ACTR3C: variants seen among roughly 807,000 people sequenced by gnomAD.
ACTR3C encodes actin-related protein 3C.
Under a neutral mutation model 26.3 loss-of-function variants are expected in ACTR3C, and 18 were observed. The ratio of observed to expected loss-of-function variants is 0.68; its 90% CI spans 0.47 to 1.01. The LOEUF (loss-of-function observed/expected upper bound fraction) is 1.01, where lower values mean the gene tolerates loss of function less well. Among genes scored for constraint, ACTR3C ranks in the 50% least tolerant of loss-of-function variants. The pLI is 0.00. For missense variants in ACTR3C, 184 were observed against 250.7 expected, an observed-to-expected ratio of 0.73 and a Z score of 1.80; for synonymous variants, 55 against 94.5, an observed-to-expected ratio of 0.58 and a Z score of 2.42.
the ACTR3C span, among the ~76,000 whole-genome samples, chr7:150,155,751 AT>A: frequency 7.3e-6 from 1 of 136,622 alleles, no homozygotes; most frequent in East Asian, 2.5e-4. Flanking sequence ...CAAAAAGGAG[AT>A]CATGAAGTGG....
At chr7:150,042,179 G>A in the ACTR3C span, among the ~76,000 whole-genome samples, 1 of 23,300 alleles carries the variant, frequency 4.3e-5, no homozygotes. Context: ...CTGCCTCGCG[G>A]GGGGTGCCTC....
At chr7:150,034,107 A>G in the ACTR3C span, among the ~76,000 whole-genome samples, 1 of 148,736 alleles carries the variant, frequency 6.7e-6, no homozygotes, top group Non-Finnish European at 1.5e-5. Flanking sequence ...AGGTCCCAAC[A>G]ACCGGGGGGA....
chr7:150,142,133 G>A, the ACTR3C span, among the ~76,000 whole-genome samples: 2 of 152,156 alleles, frequency 1.3e-5, no homozygotes, highest in Admixed American at 6.5e-5. Flanking sequence ...CCCAGTATAT[G>A]CAAAACCCTC....
At chr7:149,907,478 T>TTCTCTTCTCTTCTCTCTCTCTCTCTCTC in the ACTR3C span, among the ~76,000 whole-genome samples, 50 of 97,678 alleles carry the variant, frequency 5.1e-4, no homozygotes, top group Non-Finnish European at 8.9e-4. Context: ...CTCTCTTCTC[T>TTCTCTTCTCTTCTCTCTCTCTCTCTCTC]TCTCTCTCTC....
intron 1 of ACTR3C, among the ~76,000 whole-genome samples, chr7:150,302,550 A>C (rs1259925752): frequency 6.6e-6 from 1 of 152,030 alleles, no homozygotes; most frequent in Non-Finnish European, 1.5e-5. Context: ...GAAAACTGTA[A>C]GGAAATGAGG....
the ACTR3C span, among the ~76,000 whole-genome samples, chr7:149,962,942 G>A: frequency 3.9e-5 from 6 of 152,184 alleles, no homozygotes; most frequent in Non-Finnish European, 7.3e-5. Flanking sequence ...AACCAAATTA[G>A]CCTTTTGAAC....
chr7:150,089,153 T>A, the ACTR3C span, among the ~76,000 whole-genome samples: 1 of 152,196 alleles, frequency 6.6e-6, no homozygotes, highest in Non-Finnish European at 1.5e-5. Context: ...CTGAGATTTA[T>A]TTTTTAGATC....
At chr7:150,023,500 A>AT in the ACTR3C span, among the ~76,000 whole-genome samples, 1 of 151,526 alleles carries the variant, frequency 6.6e-6, no homozygotes, top group Non-Finnish European at 1.5e-5. Context: ...GACCCAGCTA[A>AT]TTTTTTGTAT....
chr7:150,055,022 A>C, the ACTR3C span, among the ~76,000 whole-genome samples: 4 of 152,226 alleles, frequency 2.6e-5, no homozygotes, highest in Non-Finnish European at 5.9e-5. Flanking sequence ...TAGTCTTACT[A>C]CAAAAGGACT....
At chr7:149,939,501 C>T in the ACTR3C span, among the ~76,000 whole-genome samples, 4 of 152,156 alleles carry the variant, frequency 2.6e-5, no homozygotes, top group East Asian at 1.9e-4. Flanking sequence ...AAAGCAAACA[C>T]GAAGCACAAG....
the ACTR3C span, among the ~76,000 whole-genome samples, chr7:150,034,997 T>G: frequency 2.1e-5 from 2 of 94,380 alleles, no homozygotes; most frequent in Non-Finnish European, 4.3e-5. Flanking sequence ...CCCCCTCCTG[T>G]GATGGGGGTC....
chr7:149,918,482 G>C, the ACTR3C span, among the ~76,000 whole-genome samples: 1 of 152,234 alleles, frequency 6.6e-6, no homozygotes, highest in South Asian at 2.1e-4. Flanking sequence ...CCTGAGGTCG[G>C]GAGTTCGAGA....
the ACTR3C span, among the ~76,000 whole-genome samples, chr7:150,091,617 AAG>A: frequency 9.2e-6 from 1 of 108,226 alleles, no homozygotes; most frequent in Non-Finnish European, 1.9e-5. Flanking sequence ...GGATATGCTG[AAG>A]AGAGAACAAC....
chr7:150,036,358 C>T, the ACTR3C span, among the ~76,000 whole-genome samples: 15 of 146,374 alleles, frequency 1.0e-4, no homozygotes, highest in Admixed American at 7.4e-4. Context: ...TGTTTAGAGA[C>T]GTAGGCTACG....
the ACTR3C span, among the ~76,000 whole-genome samples, chr7:150,202,584 C>T: frequency 6.4e-3 from 976 of 152,262 alleles, 9 homozygotes; most frequent in African/African-American, 0.023. Context: ...TCTGCAGCAT[C>T]ATCATTAATA....
chr7:149,907,764 G>C, the ACTR3C span, among the ~76,000 whole-genome samples: 1 of 151,778 alleles, frequency 6.6e-6, no homozygotes, highest in African/African-American at 2.4e-5. Context: ...TAAAGCAAAA[G>C]GTGCAAGGTC....
At chr7:149,965,173 T>G in the ACTR3C span, among the ~76,000 whole-genome samples, 1 of 148,676 alleles carries the variant, frequency 6.7e-6, no homozygotes, top group African/African-American at 2.5e-5. Flanking sequence ...AGCACCTCTA[T>G]TTGACATTTA....
the ACTR3C span, among the ~76,000 whole-genome samples, chr7:149,895,108 G>A: frequency 2.0e-5 from 3 of 151,336 alleles, no homozygotes; most frequent in African/African-American, 4.9e-5. Context: ...GATGAACCTC[G>A]AGGGCATTAT....
the ACTR3C span, among the ~76,000 whole-genome samples, chr7:150,181,355 GAA>G: frequency 7.2e-6 from 1 of 138,520 alleles, no homozygotes; most frequent in Admixed American, 7.1e-5. Context: ...CTGAAGATAG[GAA>G]AAAAAAAACA....
Sources: allele counts gnomAD v4.1 joint callset (sites outside exome capture counted in the v4.1 genomes callset), GRCh38; gene constraint gnomAD v4.1.1; transcripts MANE v1.5; gene names NCBI Gene and HGNC (gene_info 2026-07-23, HGNC 2026-07-21).